The following CALB2 variants were observed in gnomAD, a reference collection of about 807,000 sequenced individuals.
CALB2 encodes the protein calretinin.
In CALB2, 34 loss-of-function variants were observed where a neutral mutation model predicts 45.9. The ratio of observed to expected loss-of-function variants is 0.74; its 90% CI spans 0.56 to 0.99. The LOEUF is 0.99. CALB2 is among the 50% of genes least tolerant of loss of function. The probability of loss-of-function intolerance (pLI) is 0.00; values close to 1 mark genes in which losing one functional copy is unlikely to be tolerated. For synonymous variants in CALB2, 142 were observed against 129.6 expected, an observed-to-expected ratio of 1.10 and a Z score of -0.65; for missense variants, 344 against 339.3, an observed-to-expected ratio of 1.01 and a Z score of -0.11.
chr16:71,385,648 G>T lies in CALB2; in HGVS notation c.699G>T (p.Lys233Asn). ...LLKDLYEKNK[K>N]EMNIQQLTNY... ...AGGATCTGTACGAGAAAAACAAAAAGGTGAGCAGCCAAGCCTGAGGCCCGG... is the reference window on the plus strand; with the variant it reads ...AGGATCTGTACGAGAAAAACAAAAATGTGAGCAGCCAAGCCTGAGGCCCGG... Residue 233 changes from lysine (K) to asparagine (N), a missense_variant and splice_region_variant, in exon 10 of 11, where the codon AAG becomes AAT. Physicochemically the swap from Lys to Asn is moderately conservative, Grantham distance 94. Transcript: ENST00000302628. The T allele has an allele frequency of 1.2e-6, 2 of 1,613,594 alleles. No homozygotes were observed. The highest frequency in any genetic ancestry group is 1.7e-6 in the Non-Finnish European group (2 of 1,179,850).
chr16:71,375,798 CCA>C (rs2042404660), intron 3 of CALB2, among the ~76,000 whole-genome samples: 1 of 152,214 alleles, frequency 6.6e-6, no homozygotes, highest in South Asian at 2.1e-4. Context: ...GTGGACTGTG[CCA>C]CAGAGTGGGT....
At chr16:71,364,826 G>A (rs980346051) in intron 1 of CALB2, among the ~76,000 whole-genome samples, 1 of 151,660 alleles carries the variant, frequency 6.6e-6, no homozygotes, top group African/African-American at 2.4e-5. Flanking sequence ...TGGAAGAAGC[G>A]TGTGTGTGTG....
chr16:71,359,014 G>T, intron 1 of CALB2, 128 bp downstream of exon 1: 2 of 760,896 alleles, frequency 2.6e-6, no homozygotes, highest in Non-Finnish European at 4.4e-6. Flanking sequence ...CGCAGAGCCT[G>T]CTGGGGTAGT....
At chr16:71,366,702 G>C (rs533990196) in intron 1 of CALB2, among the ~76,000 whole-genome samples, 4 of 152,238 alleles carry the variant, frequency 2.6e-5, no homozygotes. Context: ...TCTATAAATT[G>C]ATTTAGAGGA....
At chr16:71,383,489 T>C in intron 6 of CALB2, 45 bp downstream of exon 6, 1 of 1,568,784 alleles carries the variant, frequency 6.4e-7, no homozygotes, top group Non-Finnish European at 8.8e-7. Context: ...GCAGGACTTG[T>C]GCCCCAAGCC....
chr16:71,382,268 G>A (rs749862552), intron 4 of CALB2, among the ~76,000 whole-genome samples: 4 of 152,176 alleles, frequency 2.6e-5, no homozygotes, highest in Non-Finnish European at 4.4e-5. Context: ...CTTTGCCCCA[G>A]ATGTGGGCAG....
At chr16:71,360,717 T>C (rs1193040179) in intron 1 of CALB2, among the ~76,000 whole-genome samples, 1 of 152,174 alleles carries the variant, frequency 6.6e-6, no homozygotes, top group Non-Finnish European at 1.5e-5. Flanking sequence ...CTTACGTTGA[T>C]CTGAGACATT....
intron 9 of CALB2, 114 bp from the exon 10 acceptor site, chr16:71,385,463 C>T: frequency 1.3e-6 from 1 of 752,028 alleles, no homozygotes; most frequent in Admixed American, 2.7e-5. Flanking sequence ...GATCTGAACA[C>T]CCCCTTTTGC....
At chr16:71,388,920 C>T (rs1405717884) in intron 10 of CALB2, among the ~76,000 whole-genome samples, 1 of 149,532 alleles carries the variant, frequency 6.7e-6, no homozygotes, top group Non-Finnish European at 1.5e-5. Context: ...ATAGCTTGAA[C>T]CCGGGAGGCA....
chr16:71,374,636 T>C, intron 2 of CALB2, 109 bp from the exon 3 acceptor site: 1 of 726,692 alleles, frequency 1.4e-6, no homozygotes, highest in Admixed American at 2.0e-5. Context: ...CACAACTTGG[T>C]TCTGCACCCA....
intron 10 of CALB2, 130 bp from the exon 11 acceptor site, chr16:71,389,619 A>T: frequency 2.6e-6 from 2 of 776,424 alleles, no homozygotes; most frequent in Non-Finnish European, 2.3e-6. Context: ...CTTTGCATTC[A>T]TCTAAGCCAC....
At position 71,390,017 on chromosome 16, in the gene CALB2, T is replaced by TG; in HGVS notation, c.*155dup. Reference sequence around the variant, plus strand: ...AGAGCAGGAAATGAGAGATAGAGGATGGGCAGCTGGGGGGCTGTCCTGAGC... The same window carrying TG: ...AGAGCAGGAAATGAGAGATAGAGGATGGGGCAGCTGGGGGGCTGTCCTGAGC... On this transcript the variant is annotated 3_prime_UTR_variant, in exon 11 of 11. Transcript: ENST00000302628. 1.6e-6 allele frequency: 1 copy of TG among 611,180 alleles called. No homozygotes were observed. The highest frequency in any genetic ancestry group is 1.9e-5 in the African/African-American group (1 of 52,294). The allele number at this position is 611,180 out of a possible 1,614,324, so 37.9% of individuals were successfully genotyped here.
In CALB2 at chr16:71,375,746, A is replaced by G. The variant is rs924332668; in HGVS notation, c.261+912A>G. On this transcript the variant is annotated intron_variant, in intron 3 of 10. Transcript: ENST00000302628. ...AGTGCTGTGCAAGGATGCGGTCTCA[A>G]CTGGAGCCTCGCCTTGGCTAGGCTT... is the stretch of plus-strand genomic sequence containing the variant. Among the ~76,000 whole-genome samples the G allele has an allele frequency of 3.3e-5, 5 of 152,202 alleles. No homozygotes were observed. In the East Asian group the frequency reaches 9.6e-4, roughly 29 times the overall value.
At chr16:71,364,992 G>A (rs982094396) in intron 1 of CALB2, among the ~76,000 whole-genome samples, 1 of 152,200 alleles carries the variant, frequency 6.6e-6, no homozygotes, top group Admixed American at 6.5e-5. Flanking sequence ...TTACCTGGCA[G>A]GGTCGTAAAG....
chr16:71,389,159 G>T (rs539707968), intron 10 of CALB2, among the ~76,000 whole-genome samples: 4 of 152,010 alleles, frequency 2.6e-5, no homozygotes, highest in African/African-American at 9.6e-5. Flanking sequence ...CTTCACTCCC[G>T]TCTAGGCCAC....
chr16:71,390,010 T>TA lies in CALB2; in HGVS notation c.*146dup. The stretch of plus-strand genomic sequence containing the variant: ...TGCCTGCAGAGCAGGAAATGAGAGA[T>TA]AGAGGATGGGCAGCTGGGGGGCTGT... On this transcript the variant is annotated 3_prime_UTR_variant, in exon 11 of 11. Transcript: ENST00000302628. 1.6e-6 allele frequency: 1 copy of TA among 621,654 alleles called. No individual in the cohort carries two copies. The highest frequency in any genetic ancestry group is 2.9e-6 in the Non-Finnish European group (1 of 349,038). 38.5% of individuals were successfully genotyped at this position (621,654 alleles called of 1,614,324 possible).
chr16:71,374,590 G>A (rs546231096), intron 2 of CALB2, among the ~76,000 whole-genome samples, 155 bp from the exon 3 acceptor site: 142 of 152,292 alleles, frequency 9.3e-4, no homozygotes, highest in South Asian at 1.4e-3. Flanking sequence ...AACCTGGAAA[G>A]GAAAACAACA....
chr16:71,384,015 G>C lies in CALB2; in HGVS notation c.523G>C (p.Glu175Gln). The change falls in exon 7 of 11, where the codon GAG (glutamate) becomes CAG (glutamine). Residue 175 changes from glutamate to glutamine, a missense_variant. Around this residue, in one of 3 missense-constraint regions of CALB2, gnomAD observed 263 missense variants for 241.7 expected, o/e 1.09. Transcript: ENST00000302628. The part of the protein sequence containing the change: ...LNGDGKLGLS[E>Q]MSRLLPVQEN... ...CGGGGATGGCAAATTGGGCCTCTCAGAGATGTCCCGGTAAGCACCTCACCC... is the reference window on the plus strand; with the variant it reads ...CGGGGATGGCAAATTGGGCCTCTCACAGATGTCCCGGTAAGCACCTCACCC... 6.2e-7 allele frequency: 1 copy of C among 1,613,910 alleles called. No homozygotes were observed. Among genetic ancestry groups the C allele is most frequent in the East Asian group, 2.2e-5 (1 of 44,878 alleles).
At chr16:71,359,250 T>C (rs561034112) in intron 1 of CALB2, among the ~76,000 whole-genome samples, 4 of 152,274 alleles carry the variant, frequency 2.6e-5, no homozygotes, top group African/African-American at 9.6e-5. Context: ...AGAAGACCAC[T>C]CATTTCTTTC....
Sources: allele counts gnomAD v4.1 joint callset (sites outside exome capture counted in the v4.1 genomes callset), GRCh38; gene constraint gnomAD v4.1.1; regional missense constraint gnomAD v4.1.1; transcripts MANE v1.5; gene names NCBI Gene and HGNC (gene_info 2026-07-23, HGNC 2026-07-21).